LRFN5: variants seen among roughly 807,000 people sequenced by gnomAD.
LRFN5 encodes the protein leucine rich repeat and fibronectin type III domain containing 5.
Under a neutral mutation model 45.6 loss-of-function variants are expected in LRFN5, and 24 were observed. The ratio of observed to expected loss-of-function variants is 0.53; its 90% confidence interval spans 0.38 to 0.74. The LOEUF (loss-of-function observed/expected upper bound fraction) is 0.74. Ranked by LOEUF, LRFN5 falls within the 30% of genes least tolerant of loss-of-function variation. LRFN5 has a pLI of 0.00. For synonymous variants in LRFN5, 340 were observed against 313.8 expected, an observed-to-expected ratio of 1.08 and a Z score of -0.88; for missense variants, 776 against 861.5, an observed-to-expected ratio of 0.90 and a Z score of 1.24.
chr14:41,828,941 T>C (rs1483164349), intron 2 of LRFN5, among the ~76,000 whole-genome samples: 1 of 152,012 alleles, frequency 6.6e-6, no homozygotes, highest in South Asian at 2.1e-4. Context: ...TCTTTCCTAA[T>C]ATGAGATATT....
At chr14:41,793,289 C>T (rs928703930) in intron 2 of LRFN5, among the ~76,000 whole-genome samples, 20 of 152,110 alleles carry the variant, frequency 1.3e-4, no homozygotes, top group East Asian at 3.9e-4. Context: ...AATTTGAATG[C>T]GCTCCTAAAT....
At chr14:41,766,463 CCATATGCTAACTGT>C (rs1885887242) in intron 1 of LRFN5, among the ~76,000 whole-genome samples, 1 of 152,118 alleles carries the variant, frequency 6.6e-6, no homozygotes, top group Non-Finnish European at 1.5e-5. Context: ...TCATTCACTG[CCATATGCTAACTGT>C]CATATGACTC....
At chr14:41,762,561 G>A (rs1008033206) in intron 1 of LRFN5, among the ~76,000 whole-genome samples, 23 of 151,976 alleles carry the variant, frequency 1.5e-4, no homozygotes, top group African/African-American at 5.1e-4. Flanking sequence ...TAATAATAGT[G>A]TTTATATGAA....
At chr14:41,750,147 TC>T (rs1041268787) in intron 1 of LRFN5, among the ~76,000 whole-genome samples, 2 of 151,720 alleles carry the variant, frequency 1.3e-5, no homozygotes, top group African/African-American at 4.8e-5. Flanking sequence ...TACAATTTGG[TC>T]CCTATAAATT....
At chr14:41,865,311 T>G (rs1889801365) in intron 2 of LRFN5, among the ~76,000 whole-genome samples, 1 of 152,092 alleles carries the variant, frequency 6.6e-6, no homozygotes, top group South Asian at 2.1e-4. Context: ...CACATATAAA[T>G]GGAATTGTAT....
intron 1 of LRFN5, among the ~76,000 whole-genome samples, chr14:41,626,335 A>C (rs1360913698): frequency 6.6e-6 from 1 of 152,100 alleles, no homozygotes; most frequent in Non-Finnish European, 1.5e-5. Flanking sequence ...TTTTTCTATA[A>C]ATAAATTAAA....
At chr14:41,900,369 ATAT>A (rs1051778519) in intron 5 of LRFN5, among the ~76,000 whole-genome samples, 4 of 152,022 alleles carry the variant, frequency 2.6e-5, no homozygotes, top group Non-Finnish European at 5.9e-5. Flanking sequence ...TTATTTTAGT[ATAT>A]TATTATAAAT....
At position 41,871,241 on chromosome 14, in the gene LRFN5, C is replaced by A. The variant is rs193070711; in HGVS notation, c.-20-15365C>A. ...CAATTGAAAAATTAAAAATAATCAT[C>A]AAATCAAAAGTAATTATTATTTTGT... On this transcript the variant is annotated intron_variant, in intron 2 of 5. Transcript: ENST00000298119. Among the ~76,000 whole-genome samples, 1,130 of 151,622 alleles carry A rather than the reference C, an allele frequency of 7.5e-3. 8 individuals are homozygous for A. Among genetic ancestry groups the A allele is most frequent in the Non-Finnish European group, 0.011 (761 of 67,884 alleles).
intron 2 of LRFN5, among the ~76,000 whole-genome samples, chr14:41,847,087 A>T (rs532881694): frequency 1.8e-4 from 27 of 152,258 alleles, no homozygotes; most frequent in African/African-American, 5.5e-4. Context: ...AAACATTTTC[A>T]TGAAAGTGTT....
At position 41,809,440 on chromosome 14, in the gene LRFN5, T is replaced by C. The variant is rs536550472; in HGVS notation, c.-21+42411T>C. Among the ~76,000 whole-genome samples the C allele has an allele frequency of 9.9e-5, 15 of 152,038 alleles. No individual in the cohort carries two copies. The South Asian group carries it at 2.9e-3, about 29-fold the overall frequency. On this transcript the variant is annotated intron_variant, in intron 2 of 5. Transcript: ENST00000298119. ...ATATTGAGAGGGTGGCAAAAAATGATACAGGTATAGCAACCCAATCATTAC... is the reference window on the plus strand; with the variant it reads ...ATATTGAGAGGGTGGCAAAAAATGACACAGGTATAGCAACCCAATCATTAC...
chr14:41,818,524 C>T (rs181819925), intron 2 of LRFN5, among the ~76,000 whole-genome samples: 1 of 151,968 alleles, frequency 6.6e-6, no homozygotes, highest in Non-Finnish European at 1.5e-5. Context: ...CACACATACA[C>T]ATCCCATTTA....
intron 2 of LRFN5, among the ~76,000 whole-genome samples, chr14:41,834,626 T>C (rs1888598714): frequency 6.6e-6 from 1 of 152,168 alleles, no homozygotes; most frequent in South Asian, 2.1e-4. Context: ...AAGGGACTAA[T>C]ATTTGTGGGT....
chr14:41,872,300 T>A (rs1890045274), intron 2 of LRFN5, among the ~76,000 whole-genome samples: 1 of 152,222 alleles, frequency 6.6e-6, no homozygotes. Flanking sequence ...TTGAAAAATT[T>A]ACAGAAAAGA....
chr14:41,781,714 G>A lies in LRFN5; in HGVS notation c.-21+14685G>A, dbSNP rs536624553. Among the ~76,000 whole-genome samples the A allele has an allele frequency of 7.3e-5, 11 of 151,706 alleles. No individual in the cohort carries two copies. In the South Asian group the frequency reaches 1.0e-3, roughly 14 times the overall value. Reference sequence around the variant, plus strand: ...AAAGAAAAAGAGAAAGAAAAAGAGAGAGAGGAAAGAAGGAAGGAAGGAAGT... The same window carrying A: ...AAAGAAAAAGAGAAAGAAAAAGAGAAAGAGGAAAGAAGGAAGGAAGGAAGT... On this transcript the variant is annotated intron_variant, in intron 2 of 5. Transcript: ENST00000298119.
chr14:41,791,011 T>A (rs1268488053), intron 2 of LRFN5, among the ~76,000 whole-genome samples: 1 of 151,898 alleles, frequency 6.6e-6, no homozygotes, highest in African/African-American at 2.4e-5. Flanking sequence ...TTATTTTCAA[T>A]TTACCTATTT....
At chr14:41,761,473 A>T (rs537206247) in intron 1 of LRFN5, among the ~76,000 whole-genome samples, 1 of 152,306 alleles carries the variant, frequency 6.6e-6, no homozygotes, top group African/African-American at 2.4e-5. Flanking sequence ...ACTGACATAC[A>T]TATTAGTGTG....
chr14:41,849,776 T>C (rs1251372238), intron 2 of LRFN5, among the ~76,000 whole-genome samples: 1 of 151,944 alleles, frequency 6.6e-6, no homozygotes, highest in East Asian at 1.9e-4. Flanking sequence ...AATTTTAAAA[T>C]AGTTTCCTGT....
intron 2 of LRFN5, among the ~76,000 whole-genome samples, chr14:41,828,738 G>A (rs1279424780): frequency 1.3e-5 from 2 of 151,780 alleles, no homozygotes; most frequent in Non-Finnish European, 2.9e-5. Flanking sequence ...GATAGTCAGG[G>A]ACACTACTAT....
At chr14:41,612,517 G>T (rs1409087655) in intron 1 of LRFN5, among the ~76,000 whole-genome samples, 1 of 152,036 alleles carries the variant, frequency 6.6e-6, no homozygotes, top group Non-Finnish European at 1.5e-5. Flanking sequence ...GGACCTTATA[G>T]GTGTGAGAGC....
Sources: allele counts gnomAD v4.1 joint callset (sites outside exome capture counted in the v4.1 genomes callset), GRCh38; gene constraint gnomAD v4.1.1; transcripts MANE v1.5; gene names NCBI Gene and HGNC (gene_info 2026-07-23, HGNC 2026-07-21).